Variants in MPZL1 observed in about 807,000 individuals in gnomAD.
The protein encoded by MPZL1 is myelin protein zero-like protein 1.
MPZL1 carries 16 observed loss-of-function variants against 29.3 expected under a neutral mutation model. The ratio of observed to expected loss-of-function variants is 0.55; its 90% confidence interval spans 0.37 to 0.83. The LOEUF is 0.83. Among genes scored for constraint, MPZL1 ranks in the 40% least tolerant of loss-of-function variants. MPZL1 has a pLI of 0.00. For missense variants in MPZL1, 279 were observed against 332.9 expected, an observed-to-expected ratio of 0.84 and a Z score of 1.26; for synonymous variants, 143 against 132.0, an observed-to-expected ratio of 1.08 and a Z score of -0.57.
intron 1 of MPZL1, among the ~76,000 whole-genome samples, chr1:167,745,887 C>T (rs1660636323): frequency 6.6e-6 from 1 of 151,982 alleles, no homozygotes; most frequent in Non-Finnish European, 1.5e-5. Flanking sequence ...TTCATTAATT[C>T]TGACACAGTT....
At chr1:167,782,917 G>A (rs1039363276) in intron 5 of MPZL1, among the ~76,000 whole-genome samples, 5 of 152,132 alleles carry the variant, frequency 3.3e-5, no homozygotes, top group African/African-American at 9.7e-5. Context: ...TGGAAGGCAC[G>A]CAGTCCTATT....
intron 5 of MPZL1, among the ~76,000 whole-genome samples, chr1:167,786,082 C>T (rs554229238): frequency 6.6e-6 from 1 of 152,336 alleles, no homozygotes; most frequent in East Asian, 1.9e-4. Context: ...CGTGAGCCAC[C>T]ACACCCGGCC....
chr1:167,743,162 A>G (rs1315997547), intron 1 of MPZL1, among the ~76,000 whole-genome samples: 1 of 151,312 alleles, frequency 6.6e-6, no homozygotes, highest in African/African-American at 2.4e-5. Context: ...TGGTATTTTG[A>G]TGGGAATTGC....
At chr1:167,780,949 G>A (rs926064417) in intron 5 of MPZL1, among the ~76,000 whole-genome samples, 1 of 152,100 alleles carries the variant, frequency 6.6e-6, no homozygotes, top group Admixed American at 6.5e-5. Flanking sequence ...CACTAATCAA[G>A]AGAAATCTGG....
Position 167,790,699 on chromosome 1 carries a change from C to T in MPZL1, c.*2778C>T, listed in dbSNP as rs1361265141. ...AGGCATTACTTAGAGATTGAAATTT[C>T]AAACTATCTCTAGTTTTTCAATGGA... On this transcript the variant is annotated 3_prime_UTR_variant, in exon 6 of 6. Coordinates refer to ENST00000359523, the MANE Select transcript of MPZL1 (RefSeq NM_003953.6). 6.6e-6 allele frequency: 1 copy of T among 152,162 alleles called. No individual in the cohort carries two copies. The highest frequency in any genetic ancestry group is 1.5e-5 in the Non-Finnish European group (1 of 68,038). 9.4% of individuals were successfully genotyped at this position (152,162 alleles called of 1,614,324 possible). A position where few individuals can be genotyped will look rare whatever the true frequency, so the allele number is the denominator to read the frequency against.
At chr1:167,779,637 G>A (rs1227404522) in intron 5 of MPZL1, among the ~76,000 whole-genome samples, 1 of 152,000 alleles carries the variant, frequency 6.6e-6, no homozygotes, top group Non-Finnish European at 1.5e-5. Flanking sequence ...CATTTTATGA[G>A]GCTATAACAT....
intron 1 of MPZL1, among the ~76,000 whole-genome samples, chr1:167,742,636 A>G (rs967948881): frequency 6.6e-6 from 1 of 152,074 alleles, no homozygotes; most frequent in East Asian, 1.9e-4. Context: ...AAAGCTCTTT[A>G]GTTTAAGTCC....
chr1:167,727,773 C>T (rs1660180137), intron 1 of MPZL1, among the ~76,000 whole-genome samples: 1 of 152,132 alleles, frequency 6.6e-6, no homozygotes, highest in Non-Finnish European at 1.5e-5. Context: ...CTCCGTTCAC[C>T]ATAGTGCATA....
intron 1 of MPZL1, among the ~76,000 whole-genome samples, chr1:167,739,757 A>G (rs1419952398): frequency 6.6e-6 from 1 of 152,094 alleles, no homozygotes; most frequent in Non-Finnish European, 1.5e-5. Flanking sequence ...TATCCCTGTT[A>G]ACTACAGTCA....
Position 167,722,585 on chromosome 1 carries a change from G to T in MPZL1, c.91+343G>T, listed in dbSNP as rs974881506. Among the ~76,000 whole-genome samples, 5 of 152,338 alleles carry T rather than the reference G, an allele frequency of 3.3e-5. No homozygotes were observed. In the South Asian group the frequency reaches 6.2e-4, roughly 19 times the overall value. On this transcript the variant is annotated intron_variant, in intron 1 of 5. Transcript: ENST00000359523. Reference sequence around the variant, plus strand: ...TCGCGGCGCACCCTGCCCTCTCCTCGTGGTGACTCTGGATCGTCTAGGCCC... The same window carrying T: ...TCGCGGCGCACCCTGCCCTCTCCTCTTGGTGACTCTGGATCGTCTAGGCCC...
intron 1 of MPZL1, among the ~76,000 whole-genome samples, chr1:167,755,136 T>TA (rs2101771485): frequency 6.6e-6 from 1 of 152,238 alleles, no homozygotes; most frequent in East Asian, 1.9e-4. Flanking sequence ...TCATATAGAG[T>TA]AATTTAGTAT....
chr1:167,777,628 C>G (rs978185042), intron 5 of MPZL1, among the ~76,000 whole-genome samples: 1 of 152,074 alleles, frequency 6.6e-6, no homozygotes, highest in Non-Finnish European at 1.5e-5. Flanking sequence ...GAGCGGGGTC[C>G]CCTTGAGTCT....
chr1:167,780,332 AATCATATG>A (rs1661470648), intron 5 of MPZL1, among the ~76,000 whole-genome samples: 1 of 152,238 alleles, frequency 6.6e-6, no homozygotes, highest in Non-Finnish European at 1.5e-5. Flanking sequence ...AGCAAGAACC[AATCATATG>A]CTGTCTGCAA....
At chr1:167,785,183 CTCTGCTGGCTCACTTGTGCA>C (rs1661568084) in intron 5 of MPZL1, among the ~76,000 whole-genome samples, 1 of 152,224 alleles carries the variant, frequency 6.6e-6, no homozygotes, top group Non-Finnish European at 1.5e-5. Context: ...CTCAGCTGAT[CTCTGCTGGCTCACTTGTGCA>C]TCTGCAGTTG....
chr1:167,735,871 A>T (rs532850844), intron 1 of MPZL1, among the ~76,000 whole-genome samples: 1 of 152,356 alleles, frequency 6.6e-6, no homozygotes, highest in East Asian at 1.9e-4. Context: ...ATTTTAAAAG[A>T]TAAGCCATAG....
At chr1:167,763,264 C>T (rs1322395552) in intron 1 of MPZL1, among the ~76,000 whole-genome samples, 1 of 152,088 alleles carries the variant, frequency 6.6e-6, no homozygotes, top group African/African-American at 2.4e-5. Context: ...CCTGTAATCC[C>T]AGCACTTTGG....
intron 1 of MPZL1, among the ~76,000 whole-genome samples, chr1:167,757,118 A>G (rs1437458438): frequency 6.6e-6 from 1 of 152,210 alleles, no homozygotes; most frequent in Non-Finnish European, 1.5e-5. Flanking sequence ...GAGGTCCACA[A>G]TAGCAGCCCT....
At chr1:167,758,505 A>G (rs1338157416) in intron 1 of MPZL1, among the ~76,000 whole-genome samples, 3 of 151,870 alleles carry the variant, frequency 2.0e-5, no homozygotes, top group Admixed American at 6.6e-5. Context: ...TGTGATTGTG[A>G]TGGATATTGT....
chr1:167,728,940 G>T (rs1051521213), intron 1 of MPZL1, among the ~76,000 whole-genome samples: 3 of 152,006 alleles, frequency 2.0e-5, no homozygotes, highest in Non-Finnish European at 4.4e-5. Flanking sequence ...TCTACTTTAG[G>T]ATCTGGGGAG....
Sources: allele counts gnomAD v4.1 joint callset (sites outside exome capture counted in the v4.1 genomes callset), GRCh38; gene constraint gnomAD v4.1.1; transcripts MANE v1.5; gene names NCBI Gene and HGNC (gene_info 2026-07-23, HGNC 2026-07-21).